TRIP12: variants seen among roughly 807,000 people sequenced by gnomAD.
TRIP12 encodes thyroid hormone receptor interactor 12, also known as E3 ubiquitin-protein ligase TRIP12.
TRIP12 carries 25 observed loss-of-function variants against 244.2 expected under a neutral mutation model. The ratio of observed to expected loss-of-function variants is 0.10; its 90% confidence interval spans 0.07 to 0.14. The LOEUF (loss-of-function observed/expected upper bound fraction) is 0.14. TRIP12 is among the 10% of genes least tolerant of loss of function. TRIP12 has a pLI of 1.00. For missense variants in TRIP12, 1,677 were observed against 2,486.4 expected (o/e 0.67, Z 6.92); for synonymous variants, 905 against 873.1 (o/e 1.04, Z -0.64).
intron 8 of TRIP12, among the ~76,000 whole-genome samples, chr2:229,825,563 C>A (rs2051324578): frequency 6.6e-6 from 1 of 152,130 alleles, no homozygotes; most frequent in Non-Finnish European, 1.5e-5. Flanking sequence ...CCTCACAGGG[C>A]AGCAGAAAAA....
In TRIP12 at chr2:229,830,762, A is replaced by G; in HGVS notation, c.1348T>C (p.Leu450=). 1 of 1,614,052 alleles carries G rather than the reference A, an allele frequency of 6.2e-7. No individual in the cohort carries two copies. Among genetic ancestry groups the G allele is most frequent in the East Asian group, 2.2e-5 (1 of 44,878 alleles). The change falls in exon 7 of 42, where the codon TTG becomes CTG. Residue 450 remains leucine (L), a synonymous_variant. Coordinates refer to ENST00000675903, the MANE Select transcript of TRIP12 (RefSeq NM_001348323.3). ...GCTCAATAACTGTTTTTACCTTGCA[A>G]ACGTCCCATCTCGGAATCATCTGAT... is the stretch of plus-strand genomic sequence containing the variant. ...SESDDSEMGR[L]QALLEARGLP... is the part of the protein sequence containing the mutation.
rs770078613 is a variant in TRIP12 at position 229,858,851 on chromosome 2, T to C, written c.948A>G (p.Lys316=). 6.2e-7 allele frequency: 1 copy of C among 1,614,200 alleles called. No individual in the cohort carries two copies. Among genetic ancestry groups the C allele is most frequent in the Admixed American group, 1.7e-5 (1 of 60,022 alleles). ...ARFSPKVSLP[K]TKLSLPGSSK... is the part of the protein sequence containing the mutation. ...AAGACCCTGGAAGAGACAGTTTTGT[T>C]TTAGGAAGGCTAACTTTAGGGCTGA... The change falls in exon 4 of 42, where the codon AAA becomes AAG. Residue 316 remains lysine, a synonymous_variant. Transcript: ENST00000675903.
rs1468083375 is a variant in TRIP12 at position 229,808,179 on chromosome 2, G to A, written c.2339+73C>T. ...GACGGGTTTTCATCATGTTGGCCAG[G>A]CTGGTCTCGAACTCCTGACCTCGTG... On this transcript the variant is annotated intron_variant, in intron 16 of 41. Transcript: ENST00000675903. The A allele has an allele frequency of 1.2e-5, 13 of 1,085,676 alleles. 1 individual carries two copies. In the Admixed American group the frequency reaches 1.3e-4, roughly 11 times the overall value. 67.3% of individuals were successfully genotyped at this position (1,085,676 alleles called of 1,614,324 possible).
At chr2:229,876,405 C>G (rs1462894851) in intron 2 of TRIP12, among the ~76,000 whole-genome samples, 1 of 152,134 alleles carries the variant, frequency 6.6e-6, no homozygotes, top group Non-Finnish European at 1.5e-5. Context: ...TTAGAAGAGC[C>G]AGCATCTTCT....
chr2:229,879,922 G>A (rs919712965), intron 2 of TRIP12, 60 bp downstream of exon 2: 1 of 1,579,030 alleles, frequency 6.3e-7, no homozygotes, highest in Non-Finnish European at 8.7e-7. Context: ...TCGCAAGGAG[G>A]CTTAAAAATA....
intron 1 of TRIP12, among the ~76,000 whole-genome samples, chr2:229,918,153 C>T (rs928006070): frequency 1.3e-5 from 2 of 152,144 alleles, no homozygotes; most frequent in African/African-American, 2.4e-5. Context: ...GAAACTTGTT[C>T]GAGGAAGTGA....
intron 39 of TRIP12, among the ~76,000 whole-genome samples, chr2:229,770,440 C>T (rs2033819924): frequency 6.6e-6 from 1 of 152,128 alleles, no homozygotes; most frequent in South Asian, 2.1e-4. Flanking sequence ...CTTAAGTAGA[C>T]ACAAATATAA....
chr2:229,844,152 T>A (rs551831706), intron 4 of TRIP12, among the ~76,000 whole-genome samples: 1 of 152,354 alleles, frequency 6.6e-6, no homozygotes, highest in South Asian at 2.1e-4. Flanking sequence ...TTACTTACTC[T>A]TATGTAAGAA....
chr2:229,850,261 G>T (rs1296413558), intron 4 of TRIP12, among the ~76,000 whole-genome samples: 1 of 152,076 alleles, frequency 6.6e-6, no homozygotes, highest in Non-Finnish European at 1.5e-5. Flanking sequence ...ACAATTAAAT[G>T]ATCTCTTTTT....
At chr2:229,884,236 CTTT>C (rs200052292) in intron 1 of TRIP12, among the ~76,000 whole-genome samples, 4 of 123,592 alleles carry the variant, frequency 3.2e-5, no homozygotes, top group African/African-American at 1.2e-4. Flanking sequence ...TTTTTCTTTT[CTTT>C]TTTTTTTTTT....
chr2:229,817,470 A>G (rs1353759830), intron 9 of TRIP12, among the ~76,000 whole-genome samples: 1 of 152,106 alleles, frequency 6.6e-6, no homozygotes, highest in African/African-American at 2.4e-5. Context: ...TTTTCTTCCT[A>G]TTGTTTTCAT....
chr2:229,812,067 ATC>A lies in TRIP12; in HGVS notation c.1987-865_1987-864del, dbSNP rs1334135990. 2.6e-5 allele frequency among the ~76,000 whole-genome samples: 4 copies of A among 152,282 alleles called. No individual in the cohort carries two copies. In the East Asian group the frequency reaches 7.7e-4, roughly 29 times the overall value. On this transcript the variant is annotated intron_variant, in intron 13 of 41. Coordinates refer to ENST00000675903, the MANE Select transcript of TRIP12 (RefSeq NM_001348323.3). ...ACGCTTTTAGACTACAGAAAAGATT[ATC>A]TCAACTATGTTTTTATTTATTTATT...
intron 1 of TRIP12, among the ~76,000 whole-genome samples, chr2:229,899,632 C>A (rs1241016572): frequency 3.9e-5 from 6 of 152,136 alleles, no homozygotes; most frequent in Admixed American, 3.3e-4. Flanking sequence ...AACTACTACT[C>A]TAAGTACTAT....
At chr2:229,889,036 T>C (rs540493057) in intron 1 of TRIP12, among the ~76,000 whole-genome samples, 1 of 152,262 alleles carries the variant, frequency 6.6e-6, no homozygotes, top group African/African-American at 2.4e-5. Flanking sequence ...AGCATATGTA[T>C]TTAGGTAAAG....
At position 229,778,779 on chromosome 2, in the gene TRIP12, C is replaced by T; in HGVS notation, c.5209+97G>A. The T allele has an allele frequency of 7.3e-7, 1 of 1,369,542 alleles. No homozygotes were observed. The allele number at this position is 1,369,542 out of a possible 1,614,324, so 84.8% of individuals were successfully genotyped here. On this transcript the variant is annotated intron_variant, in intron 35 of 41. Coordinates refer to ENST00000675903, the MANE Select transcript of TRIP12 (RefSeq NM_001348323.3). This position sits in a 1 kb window ranked among gnomAD's most constrained non-coding sequence, Gnocchi z 4.1. ...AACAGAGGCTAAAAGAAAGCAAGTA[C>T]AGCTGTCCATTAGAAATTAAATATG... is the stretch of plus-strand genomic sequence containing the variant.
At chr2:229,791,681 G>A (rs1471707883) in intron 29 of TRIP12, 185 bp downstream of exon 29, 1 of 615,624 alleles carries the variant, frequency 1.6e-6, no homozygotes, top group Non-Finnish European at 2.8e-6. Flanking sequence ...CCGGTAGAAT[G>A]AATGAGGAGG....
At chr2:229,845,177 T>C (rs1365185823) in intron 4 of TRIP12, among the ~76,000 whole-genome samples, 1 of 152,252 alleles carries the variant, frequency 6.6e-6, no homozygotes, top group Non-Finnish European at 1.5e-5. Flanking sequence ...TATCTTCATT[T>C]GACCTCTGGA....
intron 1 of TRIP12, among the ~76,000 whole-genome samples, chr2:229,919,143 G>A (rs1434032440): frequency 6.6e-6 from 1 of 152,182 alleles, no homozygotes; most frequent in Admixed American, 6.5e-5. Context: ...GGCCGGCGTG[G>A]TGGCTCTCCC....
At chr2:229,806,497 C>T (rs1430304192) in intron 17 of TRIP12, among the ~76,000 whole-genome samples, 1 of 152,152 alleles carries the variant, frequency 6.6e-6, no homozygotes, top group East Asian at 1.9e-4. Flanking sequence ...ATTCTCATTA[C>T]AGAATCCAAT....
Sources: gnomAD v4.1 joint callset for allele counts (sites outside exome capture counted in the v4.1 genomes callset) on GRCh38, gnomAD v4.1.1 for gene constraint, Gnocchi (gnomAD v3.1) non-coding constraint, MANE v1.5 for transcripts, NCBI Gene and HGNC (gene_info 2026-07-23, HGNC 2026-07-21) for gene names.